Variants in CTNNA1 observed in about 807,000 individuals in gnomAD.
CTNNA1 encodes the protein catenin alpha-1.
Under a neutral mutation model 98.4 loss-of-function variants are expected in CTNNA1, and 37 were observed. The observed-to-expected ratio is 0.38, with a 90% confidence interval of 0.29 to 0.49. The LOEUF (loss-of-function observed/expected upper bound fraction) is 0.49. Ranked by LOEUF, CTNNA1 falls within the 20% of genes least tolerant of loss-of-function variation. The pLI, the probability that CTNNA1 is intolerant of heterozygous loss-of-function variation, is 0.95. For missense variants in CTNNA1, 761 were observed against 1,147.2 expected, an observed-to-expected ratio of 0.66 and a Z score of 4.86; for synonymous variants, 404 against 413.2, an observed-to-expected ratio of 0.98 and a Z score of 0.27.
intron 1 of CTNNA1, among the ~76,000 whole-genome samples, chr5:138,772,224 T>G (rs936365394): frequency 1.3e-5 from 2 of 152,232 alleles, no homozygotes; most frequent in Non-Finnish European, 2.9e-5. Flanking sequence ...TTTCTGAATT[T>G]ATAGCAAACT....
intron 10 of CTNNA1, among the ~76,000 whole-genome samples, chr5:138,912,294 G>A (rs547436612): frequency 7.2e-4 from 110 of 152,248 alleles, no homozygotes; most frequent in Non-Finnish European, 1.4e-3. Context: ...GAAAAGATTA[G>A]ATGAGATTGC....
chr5:138,776,252 G>A (rs1057169413), intron 1 of CTNNA1, among the ~76,000 whole-genome samples: 9 of 151,580 alleles, frequency 5.9e-5, no homozygotes, highest in African/African-American at 2.2e-4. Context: ...GACTCTTAAC[G>A]AGCATGCTGC....
At chr5:138,848,702 T>C (rs1762936724) in intron 7 of CTNNA1, among the ~76,000 whole-genome samples, 1 of 152,218 alleles carries the variant, frequency 6.6e-6, no homozygotes, top group Non-Finnish European at 1.5e-5. Context: ...CTCTTTACTA[T>C]TAAAATGTGC....
chr5:138,851,031 A>G (rs1198117424), intron 7 of CTNNA1, among the ~76,000 whole-genome samples: 1 of 152,220 alleles, frequency 6.6e-6, no homozygotes, highest in Non-Finnish European at 1.5e-5. Context: ...GATTCAGTAA[A>G]CAAACAAAAG....
At chr5:138,837,365 T>C (rs1396061610) in intron 7 of CTNNA1, among the ~76,000 whole-genome samples, 1 of 152,158 alleles carries the variant, frequency 6.6e-6, no homozygotes, top group East Asian at 1.9e-4. Context: ...CTTATTTTTA[T>C]AAATAAAGTT....
intron 1 of CTNNA1, among the ~76,000 whole-genome samples, chr5:138,764,221 C>G (rs1752661458): frequency 6.6e-6 from 1 of 151,476 alleles, no homozygotes; most frequent in Admixed American, 6.6e-5. Context: ...AAATAATTAG[C>G]CGGGCATGGT....
chr5:138,878,255 A>G (rs374015247), intron 7 of CTNNA1, among the ~76,000 whole-genome samples: 2 of 152,206 alleles, frequency 1.3e-5, no homozygotes, highest in East Asian at 1.9e-4. Context: ...CAAGAGGTTC[A>G]GGCTGTGGAA....
rs371670560 is a variant in CTNNA1, at chr5:138,808,662, G to A, written c.302-1376G>A. ...TAGCTAGGAGAAATTTGATAGGTCT[G>A]TTGAGAAATAGCTAGTCTTCTTGAA... On this transcript the variant is annotated intron_variant, in intron 3 of 17. Coordinates refer to ENST00000302763, the MANE Select transcript of CTNNA1 (RefSeq NM_001903.5). Among the ~76,000 whole-genome samples the A allele has an allele frequency of 3.4e-5, 5 of 146,498 alleles. No individual in the cohort carries two copies. In the East Asian group the frequency reaches 1.0e-3, roughly 31 times the overall value.
At chr5:138,851,104 G>T (rs1763143821) in intron 7 of CTNNA1, among the ~76,000 whole-genome samples, 2 of 152,208 alleles carry the variant, frequency 1.3e-5, no homozygotes, top group African/African-American at 4.8e-5. Flanking sequence ...TGTCACCCAT[G>T]ATATATTCCT....
chr5:138,830,662 A>G (rs1214706311), intron 7 of CTNNA1, among the ~76,000 whole-genome samples: 1 of 152,230 alleles, frequency 6.6e-6, no homozygotes, highest in Non-Finnish European at 1.5e-5. Context: ...ACCTCTAGTG[A>G]GTGTCAGAAT....
At chr5:138,781,448 T>TG (rs1490661169) in intron 1 of CTNNA1, among the ~76,000 whole-genome samples, 1 of 151,566 alleles carries the variant, frequency 6.6e-6, no homozygotes, top group Non-Finnish European at 1.5e-5. Flanking sequence ...CACAGCCACT[T>TG]GGGAGGCTGA....
intron 3 of CTNNA1, among the ~76,000 whole-genome samples, chr5:138,795,267 C>T (rs891723126): frequency 2.6e-5 from 4 of 151,654 alleles, no homozygotes; most frequent in South Asian, 2.1e-4. Flanking sequence ...TGAGACCAGC[C>T]TGACCAACAT....
chr5:138,810,386 C>G (rs890881771), intron 4 of CTNNA1, among the ~76,000 whole-genome samples, 182 bp downstream of exon 4: 1 of 152,324 alleles, frequency 6.6e-6, no homozygotes, highest in Middle Eastern at 3.4e-3. Flanking sequence ...CATCCTGGCT[C>G]TGTTCTGAGC....
intron 11 of CTNNA1, among the ~76,000 whole-genome samples, chr5:138,923,969 C>G (rs1763442505): frequency 6.6e-6 from 1 of 152,184 alleles, no homozygotes; most frequent in South Asian, 2.1e-4. Context: ...TTAAATAGTT[C>G]ATCTCACACC....
intron 1 of CTNNA1, chr5:138,753,739 C>T (rs868728801): frequency 9.8e-6 from 3 of 306,188 alleles, no homozygotes; most frequent in African/African-American, 2.2e-5. Context: ...CGGGCGGGCA[C>T]GGCCGGCGCT....
At chr5:138,784,072 A>G (rs1316483719) in intron 3 of CTNNA1, among the ~76,000 whole-genome samples, 1 of 152,176 alleles carries the variant, frequency 6.6e-6, no homozygotes, top group Non-Finnish European at 1.5e-5. Flanking sequence ...TGAAACCTGC[A>G]GTTTTTATTT....
At chr5:138,879,861 T>C (rs1250056718) in intron 7 of CTNNA1, among the ~76,000 whole-genome samples, 4 of 152,232 alleles carry the variant, frequency 2.6e-5, no homozygotes, top group African/African-American at 7.2e-5. Flanking sequence ...CAGTGTTTCT[T>C]TGGATGCACC....
At chr5:138,784,047 G>A (rs1243946257) in intron 3 of CTNNA1, among the ~76,000 whole-genome samples, 2 of 152,138 alleles carry the variant, frequency 1.3e-5, no homozygotes, top group South Asian at 2.1e-4. Flanking sequence ...CTTTAAATAC[G>A]GAAGATAAAC....
At chr5:138,917,978 T>C in intron 11 of CTNNA1, 80 bp downstream of exon 11, 1 of 1,363,348 alleles carries the variant, frequency 7.3e-7, no homozygotes, top group Non-Finnish European at 1.0e-6. Context: ...GGGCAAACAC[T>C]GCTATGTCTT....
Sources: allele counts gnomAD v4.1 joint callset (sites outside exome capture counted in the v4.1 genomes callset), GRCh38; gene constraint gnomAD v4.1.1; transcripts MANE v1.5; gene names NCBI Gene and HGNC (gene_info 2026-07-23, HGNC 2026-07-21).